PLEKHA5: variants seen among roughly 807,000 people sequenced by gnomAD.
PLEKHA5 encodes the protein pleckstrin homology domain-containing family A member 5.
Under a neutral mutation model 181.9 loss-of-function variants are expected in PLEKHA5, and 55 were observed. The observed-to-expected ratio is 0.30, with a 90% CI of 0.24 to 0.38. The LOEUF is 0.38. Among genes scored for constraint, PLEKHA5 ranks in the 10% least tolerant of loss-of-function variants. The pLI, the probability that PLEKHA5 is intolerant of heterozygous loss-of-function variation, is 1.00. For missense variants in PLEKHA5, 1,432 were observed against 1,549.5 expected, an observed-to-expected ratio of 0.92 and a Z score of 1.27; for synonymous variants, 535 against 529.4, an observed-to-expected ratio of 1.01 and a Z score of -0.15.
chr12:19,295,827 A>G (rs984977824), intron 15 of PLEKHA5, among the ~76,000 whole-genome samples: 1 of 152,218 alleles, frequency 6.6e-6, no homozygotes, highest in Non-Finnish European at 1.5e-5. Flanking sequence ...CCTGGTGGTT[A>G]GATTCCCAAG....
intron 3 of PLEKHA5, among the ~76,000 whole-genome samples, chr12:19,252,971 T>G (rs1423495395): frequency 6.6e-6 from 1 of 151,588 alleles, no homozygotes; most frequent in Non-Finnish European, 1.5e-5. Flanking sequence ...ACACTCATAC[T>G]TACTTTTCAT....
chr12:19,321,592 CGACCTCCT>C (rs1469295071), intron 18 of PLEKHA5: 1 of 148,594 alleles, frequency 6.7e-6, no homozygotes, highest in African/African-American at 2.5e-5. Context: ...AGGCTGGTCT[CGACCTCCT>C]GACCTCAGGT....
In PLEKHA5 at chr12:19,373,830, C is replaced by T. The variant is rs915928727; in HGVS notation, c.*12-1701C>T. On this transcript the variant is annotated intron_variant, in intron 31 of 31. Coordinates refer to ENST00000429027, the MANE Select transcript of PLEKHA5 (RefSeq NM_001256470.2). ...GAGCCATTCACATAATATTTTGATT[C>T]AATAAACAGATTATGACTGTACACA... is the stretch of plus-strand genomic sequence containing the variant. Among the ~76,000 whole-genome samples the T allele has an allele frequency of 7.2e-4, 109 of 152,256 alleles. 2 individuals carry two copies. Among genetic ancestry groups the T allele is most frequent in the Non-Finnish European group, 2.9e-4 (20 of 68,012 alleles).
rs535560515 is a variant in PLEKHA5, at chr12:19,354,454, C to T, written c.3138+452C>T. 9.0e-5 allele frequency among the ~76,000 whole-genome samples: 12 copies of T among 134,066 alleles called. No individual in the cohort carries two copies. The East Asian group carries it at 1.1e-3, about 13-fold the overall frequency. The allele number at this position is 134,066 out of a possible 152,430, so 88.0% of individuals were successfully genotyped here. ...AGGTGTGAGCCACCGCCCCCCAGCC[C>T]GATCTTAGTTATTCTTAAAAAAAAA... On this transcript the variant is annotated intron_variant, in intron 26 of 31. Coordinates refer to ENST00000429027, the MANE Select transcript of PLEKHA5 (RefSeq NM_001256470.2).
chr12:19,185,340 T>C (rs771551975), intron 3 of PLEKHA5, among the ~76,000 whole-genome samples: 23 of 152,256 alleles, frequency 1.5e-4, no homozygotes, highest in Non-Finnish European at 2.6e-4. Flanking sequence ...GTGCACATTA[T>C]GTAAGCTGGA....
chr12:19,341,505 C>G (rs1225756601), intron 21 of PLEKHA5, among the ~76,000 whole-genome samples: 1 of 151,870 alleles, frequency 6.6e-6, no homozygotes. Context: ...ATTTACATCT[C>G]TGGGCTGTCG....
chr12:19,293,207 T>C (rs2078912613), intron 15 of PLEKHA5, among the ~76,000 whole-genome samples: 1 of 152,212 alleles, frequency 6.6e-6, no homozygotes, highest in African/African-American at 2.4e-5. Context: ...AAAACAGTAA[T>C]GTGCTACTTT....
chr12:19,258,561 C>CTTTT lies in PLEKHA5; in HGVS notation c.537+1036_537+1039dup, dbSNP rs71440398. Among the ~76,000 whole-genome samples the CTTTT allele has an allele frequency of 5.8e-4, 72 of 123,798 alleles. 1 individual carries two copies. Among genetic ancestry groups the CTTTT allele is most frequent in the Non-Finnish European group, 8.4e-4 (52 of 62,238 alleles). 81.2% of individuals were successfully genotyped at this position (123,798 alleles called of 152,430 possible). A position where few individuals can be genotyped will look rare whatever the true frequency, so the allele number is the denominator to read the frequency against. On this transcript the variant is annotated intron_variant, in intron 6 of 31. Coordinates refer to ENST00000429027, the MANE Select transcript of PLEKHA5 (RefSeq NM_001256470.2). ...TTTAGTTTCTTTTTTTTTTCTTTTT[C>CTTTT]TTTTTTTTTTTTTTTGTGAGACAGG...
At chr12:19,240,322 A>C (rs1166056582) in intron 3 of PLEKHA5, among the ~76,000 whole-genome samples, 2 of 152,188 alleles carry the variant, frequency 1.3e-5, no homozygotes, top group East Asian at 1.9e-4. Context: ...GACCACACGC[A>C]AAAGAGTGGA....
intron 3 of PLEKHA5, among the ~76,000 whole-genome samples, chr12:19,233,833 A>G (rs931455628): frequency 3.3e-5 from 5 of 152,202 alleles, no homozygotes; most frequent in Admixed American, 6.5e-5. Flanking sequence ...CACCTATAGT[A>G]TAGAGATAAC....
chr12:19,214,293 C>G (rs985496491), intron 3 of PLEKHA5, among the ~76,000 whole-genome samples: 4 of 152,132 alleles, frequency 2.6e-5, no homozygotes, highest in African/African-American at 4.8e-5. Flanking sequence ...AGATGCGGAC[C>G]AAGAAGCACC....
intron 15 of PLEKHA5, among the ~76,000 whole-genome samples, chr12:19,308,897 G>GGGCGCGCGCACA (rs2085192964): frequency 6.8e-6 from 1 of 147,176 alleles, no homozygotes; most frequent in African/African-American, 2.6e-5. Flanking sequence ...AAACACAAAC[G>GGGCGCGCGCACA]CACACACACA....
At chr12:19,305,882 A>C (rs200009537) in intron 15 of PLEKHA5, among the ~76,000 whole-genome samples, 1 of 149,280 alleles carries the variant, frequency 6.7e-6, no homozygotes, top group Admixed American at 6.7e-5. Flanking sequence ...AAAAAAAAAA[A>C]AACAACTATG....
chr12:19,320,414 T>G (rs1417646885), intron 17 of PLEKHA5, 148 bp from the exon 18 acceptor site: 3 of 489,920 alleles, frequency 6.1e-6, no homozygotes, highest in Non-Finnish European at 1.1e-5. Context: ...GATCAGTGTT[T>G]GAATTAAACT....
intron 8 of PLEKHA5, among the ~76,000 whole-genome samples, chr12:19,268,604 A>G (rs144760857): frequency 6.6e-6 from 1 of 152,326 alleles, no homozygotes; most frequent in Non-Finnish European, 1.5e-5. Flanking sequence ...ATAGACAATT[A>G]TTGAACACAA....
chr12:19,201,978 A>T, intron 3 of PLEKHA5: 1 of 920,862 alleles, frequency 1.1e-6, no homozygotes, highest in Non-Finnish European at 1.3e-6. Context: ...CTGCAATAAA[A>T]CTAAATAAAA....
chr12:19,266,083 A>G (rs115386759), intron 8 of PLEKHA5, among the ~76,000 whole-genome samples: 515 of 152,322 alleles, frequency 3.4e-3, no homozygotes, highest in African/African-American at 0.012. Flanking sequence ...GGTTCTAGAT[A>G]AAATGAACAT....
In PLEKHA5 at chr12:19,327,637, CTTTTTTCT is replaced by C. The variant is rs201681727; in HGVS notation, c.2448+4977_2448+4984del. On this transcript the variant is annotated intron_variant, in intron 20 of 31. Coordinates refer to ENST00000429027, the MANE Select transcript of PLEKHA5 (RefSeq NM_001256470.2). ...TTGTTTTTGTTGCTATTACTTTTTTCTTTTTTCTTTTTTTTTTTTTTTTCTGAGACAGA... is the reference window on the plus strand; with the variant it reads ...TTGTTTTTGTTGCTATTACTTTTTTCTTTTTTTTTTTTTTTCTGAGACAGA... 5.4e-3 allele frequency among the ~76,000 whole-genome samples: 147 copies of C among 27,116 alleles called. 3 individuals carry two copies. The highest frequency in any genetic ancestry group is 0.03 in the East Asian group (52 of 1,748). The allele number at this position is 27,116 out of a possible 152,430, so 17.8% of individuals were successfully genotyped here. A position where few individuals can be genotyped will look rare whatever the true frequency, so the allele number is the denominator to read the frequency against.
chr12:19,317,161 G>A (rs2089129580), intron 16 of PLEKHA5, among the ~76,000 whole-genome samples: 6 of 152,074 alleles, frequency 3.9e-5, no homozygotes, highest in Admixed American at 3.9e-4. Flanking sequence ...GAGGCCAGGA[G>A]TTTGAGACTA....
Sources: allele counts gnomAD v4.1 joint callset (sites outside exome capture counted in the v4.1 genomes callset), GRCh38; gene constraint gnomAD v4.1.1; transcripts MANE v1.5; gene names NCBI Gene and HGNC (gene_info 2026-07-23, HGNC 2026-07-21).